The following ZNF385B variants were observed in gnomAD, a reference collection of about 807,000 sequenced individuals.
The protein encoded by ZNF385B is zinc finger protein 533.
ZNF385B carries 23 observed loss-of-function variants against 39.2 expected under a neutral mutation model. The ratio of observed to expected loss-of-function variants is 0.59; its 90% CI spans 0.42 to 0.83. The LOEUF is 0.83. ZNF385B is among the 40% of genes least tolerant of loss of function. The pLI, the probability that ZNF385B is intolerant of heterozygous loss-of-function variation, is 0.00. For missense variants in ZNF385B, 552 were observed against 598.9 expected, an observed-to-expected ratio of 0.92 and a Z score of 0.82; for synonymous variants, 205 against 222.6, an observed-to-expected ratio of 0.92 and a Z score of 0.70.
chr2:179,448,018 T>A (rs991045864), intron 6 of ZNF385B, among the ~76,000 whole-genome samples: 6 of 151,588 alleles, frequency 4.0e-5, no homozygotes, highest in African/African-American at 1.5e-4. Context: ...AGGTTGAGAC[T>A]AGACACAGCT....
intron 3 of ZNF385B, among the ~76,000 whole-genome samples, chr2:179,573,729 A>G (rs946398163): frequency 6.6e-6 from 1 of 152,126 alleles, no homozygotes; most frequent in African/African-American, 2.4e-5. Flanking sequence ...CGGATGAGAA[A>G]GCTTTCAAGG....
At chr2:179,810,829 T>C (rs1322891205) in intron 1 of ZNF385B, among the ~76,000 whole-genome samples, 1 of 152,004 alleles carries the variant, frequency 6.6e-6, no homozygotes, top group Admixed American at 6.6e-5. Flanking sequence ...AAGTGAGCTT[T>C]CATTCAAGAA....
chr2:179,723,117 A>G (rs1700794171), intron 3 of ZNF385B, among the ~76,000 whole-genome samples: 1 of 152,190 alleles, frequency 6.6e-6, no homozygotes, highest in Non-Finnish European at 1.5e-5. Context: ...CAGAGTGTAA[A>G]CTGATACTAT....
intron 3 of ZNF385B, among the ~76,000 whole-genome samples, chr2:179,679,601 ATTG>A (rs71401757): frequency 0.16 from 24,332 of 150,240 alleles, 2,861 homozygotes; most frequent in East Asian, 0.36. Flanking sequence ...AACAGCTATT[ATTG>A]TTGTTGTTGT....
chr2:179,576,544 GA>G (rs1685838915), intron 3 of ZNF385B, among the ~76,000 whole-genome samples: 1 of 152,170 alleles, frequency 6.6e-6, no homozygotes, highest in Admixed American at 6.5e-5. Flanking sequence ...AAGGTTGGAT[GA>G]AGTATTCCTT....
chr2:179,442,066 C>T lies in ZNF385B; in HGVS notation c.*1184G>A, dbSNP rs1435330295. 6.6e-6 allele frequency: 1 copy of T among 152,568 alleles called. No homozygotes were observed. The highest frequency in any genetic ancestry group is 1.5e-5 in the Non-Finnish European group (1 of 68,024). 9.5% of individuals were successfully genotyped at this position (152,568 alleles called of 1,614,324 possible). ...CATTTACAGGTTGCAGATATAGATG[C>T]TCTAAAAGAGTCCACTCTATTTTGT... is the stretch of plus-strand genomic sequence containing the variant. On this transcript the variant is annotated 3_prime_UTR_variant, in exon 10 of 10. Transcript: ENST00000410066.
chr2:179,633,141 C>A (rs548896746), intron 3 of ZNF385B, among the ~76,000 whole-genome samples: 16 of 152,162 alleles, frequency 1.1e-4, no homozygotes, highest in Admixed American at 2.6e-4. Context: ...GGAGCTGGTA[C>A]CATTCCTTCT....
chr2:179,572,260 G>A (rs1384813412), intron 3 of ZNF385B, among the ~76,000 whole-genome samples: 1 of 152,016 alleles, frequency 6.6e-6, no homozygotes, highest in Non-Finnish European at 1.5e-5. Context: ...TTTCAACGAT[G>A]GCTAAAAGCC....
chr2:179,586,261 C>T (rs1321063200), intron 3 of ZNF385B, among the ~76,000 whole-genome samples: 1 of 152,200 alleles, frequency 6.6e-6, no homozygotes, highest in Non-Finnish European at 1.5e-5. Context: ...CCCCAATGTA[C>T]ATAGTACAAA....
intron 1 of ZNF385B, among the ~76,000 whole-genome samples, chr2:179,826,819 T>C (rs769974910): frequency 1.7e-4 from 26 of 152,192 alleles, no homozygotes; most frequent in Non-Finnish European, 3.2e-4. Flanking sequence ...ATAAGAAAGG[T>C]AAATTTGAAG....
intron 1 of ZNF385B, among the ~76,000 whole-genome samples, chr2:179,821,355 C>T (rs1274636801): frequency 6.6e-6 from 1 of 152,168 alleles, no homozygotes; most frequent in Non-Finnish European, 1.5e-5. Context: ...AATGTCCTCT[C>T]AGACAGTTGG....
intron 3 of ZNF385B, among the ~76,000 whole-genome samples, chr2:179,682,743 T>TAC (rs369061472): frequency 2.3e-3 from 352 of 150,796 alleles, no homozygotes; most frequent in Middle Eastern, 0.017. Context: ...GATATATAAG[T>TAC]ACACACACAC....
intron 3 of ZNF385B, among the ~76,000 whole-genome samples, chr2:179,588,310 A>C (rs547908985): frequency 1.3e-5 from 2 of 152,018 alleles, no homozygotes; most frequent in Non-Finnish European, 2.9e-5. Context: ...GCATGGTCTC[A>C]ATCTCCTGAC....
At chr2:179,561,421 G>A (rs1011412585) in intron 3 of ZNF385B, among the ~76,000 whole-genome samples, 1 of 151,948 alleles carries the variant, frequency 6.6e-6, no homozygotes, top group African/African-American at 2.4e-5. Context: ...TTCATTTTTT[G>A]CAAGTCCACT....
At chr2:179,481,386 CT>C (rs35443375) in intron 6 of ZNF385B, among the ~76,000 whole-genome samples, 64 of 148,952 alleles carry the variant, frequency 4.3e-4, no homozygotes, top group African/African-American at 8.4e-4. Context: ...TCATCTTTGA[CT>C]TTTTTTTTTC....
chr2:179,486,016 GA>G (rs200924414), intron 5 of ZNF385B, among the ~76,000 whole-genome samples: 3 of 150,364 alleles, frequency 2.0e-5, no homozygotes, highest in East Asian at 1.9e-4. Context: ...TGTCAAGTTG[GA>G]AAAAAAAATA....
At chr2:179,779,655 T>C (rs572187775) in intron 1 of ZNF385B, among the ~76,000 whole-genome samples, 3 of 152,236 alleles carry the variant, frequency 2.0e-5, no homozygotes, top group East Asian at 1.9e-4. Flanking sequence ...GTGGAAAAAG[T>C]GGATGAATTC....
chr2:179,540,013 T>A (rs2059815028), intron 4 of ZNF385B, among the ~76,000 whole-genome samples: 2 of 152,234 alleles, frequency 1.3e-5, no homozygotes, highest in Admixed American at 1.3e-4. Flanking sequence ...ATTTTGTTTT[T>A]AACTAAATAC....
chr2:179,473,258 A>T (rs1312525543), intron 6 of ZNF385B, among the ~76,000 whole-genome samples: 1 of 152,216 alleles, frequency 6.6e-6, no homozygotes, highest in African/African-American at 2.4e-5. Flanking sequence ...TGAAACCACA[A>T]GTGCAAATAA....
Sources: allele counts gnomAD v4.1 joint callset (sites outside exome capture counted in the v4.1 genomes callset), GRCh38; gene constraint gnomAD v4.1.1; transcripts MANE v1.5; gene names NCBI Gene and HGNC (gene_info 2026-07-23, HGNC 2026-07-21).